CLVS1: variants seen among roughly 807,000 people sequenced by gnomAD.
CLVS1 encodes clavesin 1.
CLVS1 carries 10 observed loss-of-function variants against 33.1 expected under a neutral mutation model. The ratio of observed to expected loss-of-function variants is 0.30; its 90% CI spans 0.19 to 0.51. The LOEUF (loss-of-function observed/expected upper bound fraction) is 0.51, where lower values mean the gene tolerates loss of function less well. Among genes scored for constraint, CLVS1 ranks in the 20% least tolerant of loss-of-function variants. The probability of loss-of-function intolerance (pLI) is 0.97; values close to 1 mark genes in which losing one functional copy is unlikely to be tolerated. For synonymous variants in CLVS1, 163 were observed against 166.1 expected (o/e 0.98, Z 0.14); for missense variants, 343 against 433.4 (o/e 0.79, Z 1.85).
In CLVS1 at chr8:61,232,023, G is replaced by GTTTGTTTTTTTTTTTT; in HGVS notation, c.-151-67651_-151-67650insGTTTTTTTTTTTTTTT. 2.6e-3 allele frequency among the ~76,000 whole-genome samples: 165 copies of GTTTGTTTTTTTTTTTT among 62,556 alleles called. 1 individual carries two copies. The highest frequency in any genetic ancestry group is 7.4e-3 in the South Asian group (15 of 2,024). The allele number at this position is 62,556 out of a possible 152,430, so 41.0% of individuals were successfully genotyped here. On this transcript the variant is annotated intron_variant, in intron 2 of 2. Coordinates refer to the CLVS1 transcript ENST00000522621. ...AGAAGGAGCCCTGAGGAAAGTTGTG[G>GTTTGTTTTTTTTTTTT]TTTTTTTTTTTTTTTTTTTTTTTTT...
rs192800798 is a variant in CLVS1, at chr8:61,310,304, G to A, written c.455+10022G>A. 5.2e-3 allele frequency among the ~76,000 whole-genome samples: 795 copies of A among 152,320 alleles called. 8 individuals are homozygous for A. Among genetic ancestry groups the A allele is most frequent in the African/African-American group, 0.018 (760 of 41,566 alleles). ...CTTACTGAGGCAGTAATGCTCTTAC[G>A]TAAGCACTACTAATAGCCATATTTT... On this transcript the variant is annotated intron_variant, in intron 2 of 5. Coordinates refer to ENST00000325897, the MANE Select transcript of CLVS1 (RefSeq NM_173519.3).
chr8:61,230,922 G>C (rs1808417815), intron 2 of CLVS1, among the ~76,000 whole-genome samples: 1 of 152,058 alleles, frequency 6.6e-6, no homozygotes, highest in Non-Finnish European at 1.5e-5. Flanking sequence ...GAGGGCAAGG[G>C]GGCTCTCTGG....
chr8:61,272,155 C>T (rs1221729628), intron 2 of CLVS1, among the ~76,000 whole-genome samples: 38 of 151,302 alleles, frequency 2.5e-4, no homozygotes, highest in African/African-American at 6.8e-4. Flanking sequence ...CCATGTTTAG[C>T]GCTTCCTTCA....
chr8:61,172,046 T>G (rs909580572), intron 2 of CLVS1, among the ~76,000 whole-genome samples: 8 of 152,200 alleles, frequency 5.3e-5, no homozygotes, highest in Non-Finnish European at 1.5e-5. Flanking sequence ...TAATCACATA[T>G]TCCTCTGCCT....
the CLVS1 span, among the ~76,000 whole-genome samples, chr8:61,000,301 G>C: frequency 8.5e-5 from 13 of 152,200 alleles, no homozygotes; most frequent in African/African-American, 3.1e-4. Context: ...AGGATTTCTG[G>C]AAGGAGGTGA....
chr8:61,461,029 T>C (rs888263228), intron 5 of CLVS1, among the ~76,000 whole-genome samples: 3 of 152,226 alleles, frequency 2.0e-5, no homozygotes, highest in African/African-American at 7.2e-5. Context: ...ACTTTAATTT[T>C]TCAGTCAGAA....
At chr8:61,468,735 A>AAAAAG (rs1554578175) in intron 5 of CLVS1, among the ~76,000 whole-genome samples, 45 of 138,766 alleles carry the variant, frequency 3.2e-4, no homozygotes, top group African/African-American at 8.6e-4. Flanking sequence ...AAAAAAAAAA[A>AAAAAG]AAAAGGTAGT....
At chr8:61,384,340 A>C (rs2129602123) in intron 3 of CLVS1, among the ~76,000 whole-genome samples, 2 of 152,332 alleles carry the variant, frequency 1.3e-5, no homozygotes, top group Admixed American at 1.3e-4. Flanking sequence ...ACATGGGATT[A>C]ATTTGGTGGC....
chr8:61,205,316 C>A (rs1470820360), intron 2 of CLVS1, among the ~76,000 whole-genome samples: 1 of 152,164 alleles, frequency 6.6e-6, no homozygotes, highest in African/African-American at 2.4e-5. Flanking sequence ...ATTCCCCTCT[C>A]CCCCTCACTC....
intron 2 of CLVS1, among the ~76,000 whole-genome samples, chr8:61,229,184 T>G (rs1680932241): frequency 6.6e-6 from 1 of 152,228 alleles, no homozygotes; most frequent in Non-Finnish European, 1.5e-5. Context: ...AAGTTAAAGC[T>G]CAACAGCTAA....
chr8:61,238,964 CCAAGTTTCTTTCAGGAA>C (rs1333126044), intron 2 of CLVS1, among the ~76,000 whole-genome samples: 1 of 152,156 alleles, frequency 6.6e-6, no homozygotes, highest in East Asian at 1.9e-4. Context: ...ATACATTCTG[CCAAGTTTCTTTCAGGAA>C]GAAGCAAACC....
chr8:61,193,702 A>AAAAG (rs1277116251), intron 2 of CLVS1, among the ~76,000 whole-genome samples: 2 of 152,100 alleles, frequency 1.3e-5, no homozygotes. Flanking sequence ...TTTTCAGACA[A>AAAAG]AAAGAGATTT....
chr8:60,989,418 C>T, the CLVS1 span, among the ~76,000 whole-genome samples: 1 of 152,140 alleles, frequency 6.6e-6, no homozygotes, highest in African/African-American at 2.4e-5. Flanking sequence ...GACAGGCGAT[C>T]CACCCACCTC....
At chr8:61,293,447 T>C (rs748605470) in intron 1 of CLVS1, among the ~76,000 whole-genome samples, 1 of 152,166 alleles carries the variant, frequency 6.6e-6, no homozygotes, top group African/African-American at 2.4e-5. Flanking sequence ...GTCAGCACCA[T>C]GGAACATGTA....
intron 2 of CLVS1, among the ~76,000 whole-genome samples, chr8:61,363,548 T>A (rs1317728744): frequency 2.0e-5 from 3 of 152,206 alleles, no homozygotes; most frequent in Admixed American, 6.5e-5. Context: ...AATTTCCCAG[T>A]GAGGCATCAG....
At chr8:61,074,405 ATATATAAGTATATGTGTATATATATATGT>A (rs1804864639) in intron 1 of CLVS1, among the ~76,000 whole-genome samples, 2 of 145,014 alleles carry the variant, frequency 1.4e-5, no homozygotes, top group African/African-American at 5.2e-5. Flanking sequence ...TATGTTATAT[ATATATAAGTATATGTGTATATATATATGT>A]TATATATATA....
chr8:61,258,776 T>C (rs1045620656), intron 2 of CLVS1, among the ~76,000 whole-genome samples: 4 of 152,230 alleles, frequency 2.6e-5, no homozygotes, highest in Non-Finnish European at 4.4e-5. Flanking sequence ...AGAACTTCCA[T>C]CTACTCGTCT....
chr8:61,464,272 A>C (rs1817470971), intron 5 of CLVS1, among the ~76,000 whole-genome samples: 1 of 152,222 alleles, frequency 6.6e-6, no homozygotes, highest in South Asian at 2.1e-4. Context: ...GCACAGTAAA[A>C]CAAAGTATGC....
chr8:61,455,204 G>GTGTA (rs1817106001), intron 4 of CLVS1, among the ~76,000 whole-genome samples: 2 of 151,422 alleles, frequency 1.3e-5, no homozygotes, highest in Non-Finnish European at 2.9e-5. Flanking sequence ...GTGTGTGTGT[G>GTGTA]TGTGTGGTGA....
Sources: allele counts gnomAD v4.1 joint callset (sites outside exome capture counted in the v4.1 genomes callset), GRCh38; gene constraint gnomAD v4.1.1; transcripts MANE v1.5; gene names NCBI Gene and HGNC (gene_info 2026-07-23, HGNC 2026-07-21).